The following PPHLN1 variants were observed in gnomAD, a reference collection of about 807,000 sequenced individuals.
PPHLN1 encodes the protein periphilin-1.
In PPHLN1, 29 loss-of-function variants were observed where a neutral mutation model predicts 51.3. The ratio of observed to expected loss-of-function variants is 0.57; its 90% CI spans 0.42 to 0.77. The LOEUF (loss-of-function observed/expected upper bound fraction) is 0.77, where lower values mean the gene tolerates loss of function less well. PPHLN1 is among the 30% of genes least tolerant of loss of function. PPHLN1 has a pLI of 0.00. For missense variants in PPHLN1, 436 were observed against 438.4 expected, an observed-to-expected ratio of 0.99 and a Z score of 0.05; for synonymous variants, 147 against 147.8, an observed-to-expected ratio of 0.99 and a Z score of 0.04.
chr12:42,330,758 G>A (rs1216620477), intron 1 of PPHLN1, among the ~76,000 whole-genome samples: 1 of 152,170 alleles, frequency 6.6e-6, no homozygotes, highest in African/African-American at 2.4e-5. Context: ...CACCCAGGCT[G>A]GAGTGCAGTG....
intron 9 of PPHLN1, among the ~76,000 whole-genome samples, chr12:42,436,432 C>T (rs1308667860): frequency 6.6e-6 from 1 of 152,178 alleles, no homozygotes; most frequent in Non-Finnish European, 1.5e-5. Context: ...TTTATTTCTT[C>T]AGAAGTCCAG....
At chr12:42,418,599 C>G (rs2080690205) in intron 9 of PPHLN1, among the ~76,000 whole-genome samples, 1 of 152,082 alleles carries the variant, frequency 6.6e-6, no homozygotes, top group Non-Finnish European at 1.5e-5. Context: ...CATGCATTTT[C>G]CCCTTCTTGA....
At chr12:42,328,230 A>T (rs2069110027) in intron 1 of PPHLN1, among the ~76,000 whole-genome samples, 1 of 152,170 alleles carries the variant, frequency 6.6e-6, no homozygotes, top group Non-Finnish European at 1.5e-5. Flanking sequence ...CCGTGGTAGT[A>T]TGTGTTAGTC....
intron 8 of PPHLN1, 69 bp from the exon 9 acceptor site, chr12:42,398,785 A>T: frequency 6.8e-7 from 1 of 1,469,608 alleles, no homozygotes; most frequent in Non-Finnish European, 9.3e-7. Context: ...GTTAGTGCCT[A>T]TACACAACCA....
intron 4 of PPHLN1, among the ~76,000 whole-genome samples, chr12:42,368,811 A>C (rs2075525729): frequency 6.6e-6 from 1 of 152,220 alleles, no homozygotes; most frequent in East Asian, 1.9e-4. Context: ...TTCTTTCCAA[A>C]ATACAATTAA....
At chr12:42,429,123 GTTCA>G (rs530517725) in intron 9 of PPHLN1, among the ~76,000 whole-genome samples, 93 of 152,050 alleles carry the variant, frequency 6.1e-4, no homozygotes, top group African/African-American at 2.2e-3. Flanking sequence ...TTCATCCTGT[GTTCA>G]TTATGAATAT....
At chr12:42,446,368 G>C, downstream of PPHLN1, 1 of 1,500,382 alleles carries the variant, frequency 6.7e-7, no homozygotes, top group Non-Finnish European at 8.9e-7. Flanking sequence ...TTCTAAATCT[G>C]CCTTTTTTCA....
chr12:42,368,900 G>A (rs2075536807), intron 4 of PPHLN1, among the ~76,000 whole-genome samples: 1 of 152,158 alleles, frequency 6.6e-6, no homozygotes. Flanking sequence ...TATTCTGTGG[G>A]AAATATGAAG....
intron 9 of PPHLN1, among the ~76,000 whole-genome samples, chr12:42,418,211 CTTTTTTTTTTTTTT>C (rs60029170): frequency 1.0e-5 from 1 of 98,378 alleles, no homozygotes; most frequent in Non-Finnish European, 1.9e-5. Context: ...TCCCGGCCCT[CTTTTTTTTTTTTTT>C]TTTTTTTTTT....
intron 2 of PPHLN1, among the ~76,000 whole-genome samples, chr12:42,346,885 T>A (rs534160307): frequency 1.9e-4 from 29 of 152,208 alleles, no homozygotes; most frequent in Admixed American, 7.9e-4. Context: ...GACCTTTTTT[T>A]AAAAAAATTA....
intron 7 of PPHLN1, among the ~76,000 whole-genome samples, chr12:42,387,858 G>T (rs1156296393): frequency 2.0e-5 from 3 of 152,186 alleles, no homozygotes; most frequent in Non-Finnish European, 2.9e-5. Flanking sequence ...CCCCAACCTT[G>T]AGCTCACAAA....
At chr12:42,439,467 T>C (rs570623877) in intron 9 of PPHLN1, among the ~76,000 whole-genome samples, 2 of 152,244 alleles carry the variant, frequency 1.3e-5, no homozygotes, top group African/African-American at 4.8e-5. Context: ...TGGCATACAA[T>C]CTTGATTACT....
At chr12:42,446,812 A>G, downstream of PPHLN1, 1 of 553,862 alleles carries the variant, frequency 1.8e-6, no homozygotes, top group Admixed American at 3.2e-5. Flanking sequence ...CAGCTTTATT[A>G]ATTAATTCTC....
At chr12:42,385,216 G>T (rs1174968386) in intron 6 of PPHLN1, among the ~76,000 whole-genome samples, 3 of 152,208 alleles carry the variant, frequency 2.0e-5, no homozygotes, top group African/African-American at 4.8e-5. Flanking sequence ...AGGAGGCTGA[G>T]ATCTGTAGAA....
In PPHLN1 at chr12:42,374,896, C is replaced by G. The variant is rs1289735004; in HGVS notation, c.333C>G (p.Phe111Leu). Residue 111 changes from phenylalanine to leucine, a missense_variant, in exon 5 of 10, where the codon TTC (phenylalanine) becomes TTG (leucine). Physicochemically the swap from Phe to Leu is conservative, Grantham distance 22 (BLOSUM62 0). Transcript: ENST00000358314. ...GAGATGGCTTTAGAAGAAAAAGTTT[C>G]TACTCTTCCCATTATGCGAGAGAGC... is the stretch of plus-strand genomic sequence containing the variant. ...DMRDGFRRKSFYSSHYARERS... is the reference protein window; with the variant it reads ...DMRDGFRRKSLYSSHYARERS... 2 of 1,598,520 alleles carry G rather than the reference C, an allele frequency of 1.3e-6. No homozygotes were observed. Among genetic ancestry groups the G allele is most frequent in the Non-Finnish European group, 1.7e-6 (2 of 1,172,076 alleles).
chr12:42,337,777 TTTTA>T (rs1555178699), intron 2 of PPHLN1, among the ~76,000 whole-genome samples: 2 of 140,366 alleles, frequency 1.4e-5, no homozygotes, highest in Non-Finnish European at 3.0e-5. Context: ...TTTTATTTTA[TTTTA>T]TTTATTTATT....
chr12:42,327,135 T>C (rs1432280365), intron 1 of PPHLN1, among the ~76,000 whole-genome samples: 1 of 152,220 alleles, frequency 6.6e-6, no homozygotes, highest in Non-Finnish European at 1.5e-5. Context: ...TAAGCTTCTG[T>C]GGTCTTCTGT....
chr12:42,379,563 C>G (rs770813891), intron 5 of PPHLN1, among the ~76,000 whole-genome samples: 8 of 151,654 alleles, frequency 5.3e-5, no homozygotes, highest in South Asian at 2.1e-4. Flanking sequence ...ATTTGTAACA[C>G]CAGAAGTGAA....
rs2077071158 is a variant in PPHLN1 at position 42,384,973 on chromosome 12, A to G, written c.545A>G (p.Gln182Arg). ...CGTCCTGGTGCCTCCTACAAACGGCAGAATGAAGGAAATCCTGAAAGAGGT... is the reference window on the plus strand; with the variant it reads ...CGTCCTGGTGCCTCCTACAAACGGCGGAATGAAGGAAATCCTGAAAGAGGT... ...SVRPGASYKRQNEGNPERDKE... is the reference protein window; with the variant it reads ...SVRPGASYKRRNEGNPERDKE... Residue 182 changes from glutamine (Q) to arginine (R), a missense_variant, in exon 6 of 10, where the codon CAG becomes CGG. Physicochemically the swap from Gln to Arg is conservative, Grantham distance 43. Coordinates refer to ENST00000358314, the MANE Select transcript of PPHLN1 (RefSeq NM_201439.2). The G allele has an allele frequency of 5.0e-6, 8 of 1,612,098 alleles. No homozygotes were observed. The highest frequency in any genetic ancestry group is 6.8e-6 in the Non-Finnish European group (8 of 1,178,126).
Sources: gnomAD v4.1 joint callset for allele counts (sites outside exome capture counted in the v4.1 genomes callset) on GRCh38, gnomAD v4.1.1 for gene constraint, MANE v1.5 for transcripts, NCBI Gene and HGNC (gene_info 2026-07-23, HGNC 2026-07-21) for gene names.